Variants in DNALI1 observed in about 807,000 individuals in gnomAD.
DNALI1 encodes axonemal dynein light intermediate polypeptide 1.
A neutral mutation model predicts 33.9 loss-of-function variants in DNALI1; 31 were observed. The observed-to-expected ratio is 0.91, with a 90% CI of 0.69 to 1.23. The LOEUF is 1.23. DNALI1 is among the 50% of genes most tolerant of loss of function. The pLI, the probability that DNALI1 is intolerant of heterozygous loss-of-function variation, is 0.00. For missense variants in DNALI1, 305 were observed against 323.8 expected (o/e 0.94, Z 0.44); for synonymous variants, 117 against 129.2 (o/e 0.91, Z 0.64).
At chr1:37,564,403 G>A (rs906149012) in intron 5 of DNALI1, among the ~76,000 whole-genome samples, 2 of 149,548 alleles carry the variant, frequency 1.3e-5, no homozygotes, top group Non-Finnish European at 3.0e-5. Context: ...TTTTTTTTGA[G>A]ACGGAGTCTC....
intron 3 of DNALI1, chr1:37,560,653 CT>C: frequency 6.6e-6 from 1 of 152,276 alleles, no homozygotes; most frequent in Non-Finnish European, 1.5e-5. Flanking sequence ...ATCTCTCCTT[CT>C]TTTCCCTACA....
exon 6 of DNALI1, chr1:37,566,850 AAACATTACTGCTTTT>A (rs1452628189): frequency 3.5e-5 from 57 of 1,611,602 alleles, no homozygotes; most frequent in Non-Finnish European, 4.4e-5. Flanking sequence ...AAAACCTTTT[AAACATTACTGCTTTT>A]GTCTGAATTT....
rs1421438458 is a variant in DNALI1, at chr1:37,565,758, C to T, written c.*697C>T. On this transcript the variant is annotated 3_prime_UTR_variant, in exon 6 of 6. Coordinates refer to ENST00000652629, the MANE Select transcript of DNALI1 (RefSeq NM_003462.5). ...CTCTTCCCCCAGCACAGATCTGTTC[C>T]CCTTATCCTGCAGAAAATCAAGCCC... 1 of 152,198 alleles carries T rather than the reference C, an allele frequency of 6.6e-6. No individual in the cohort carries two copies. Among genetic ancestry groups the T allele is most frequent in the African/African-American group, 2.4e-5 (1 of 41,420 alleles). The allele number at this position is 152,198 out of a possible 1,614,324, so 9.4% of individuals were successfully genotyped here. A position where few individuals can be genotyped will look rare whatever the true frequency, so the allele number is the denominator to read the frequency against.
chr1:37,557,043 G>A lies in DNALI1; in HGVS notation c.49G>A (p.Val17Met), dbSNP rs775686638. Residue 17 changes from valine (V) to methionine (M), a missense_variant, in exon 1 of 6, where the codon GTG (valine) becomes ATG (methionine). Val to Met is a conservative substitution (Grantham distance 21). Transcript: ENST00000652629. Reference sequence around the variant, plus strand: ...GCTCAAGTACGACACCCCAGTGCTGGTGAGCCGGAACACGGAGAAACGGAG... The same window carrying A: ...GCTCAAGTACGACACCCCAGTGCTGATGAGCCGGAACACGGAGAAACGGAG... ...SLLKYDTPVL[V>M]SRNTEKRSPK... 1.2e-4 allele frequency: 188 copies of A among 1,614,114 alleles called. No homozygotes were observed. The highest frequency in any genetic ancestry group is 1.5e-4 in the Non-Finnish European group (177 of 1,180,052).
rs1365865395 is a variant in DNALI1 at position 37,566,174 on chromosome 1, T to TC, written c.*1117dup. 6.6e-6 allele frequency: 1 copy of TC among 152,248 alleles called. No individual in the cohort carries two copies. The highest frequency in any genetic ancestry group is 1.5e-5 in the Non-Finnish European group (1 of 68,070). The allele number at this position is 152,248 out of a possible 1,614,324, so 9.4% of individuals were successfully genotyped here. Reference sequence around the variant, plus strand: ...GGCTCACAATGGAAGCACTGTCATTTCCCCAGAAAAGCTGTGTTCCCTATG... The same window carrying TC: ...GGCTCACAATGGAAGCACTGTCATTTCCCCCAGAAAAGCTGTGTTCCCTATG... On this transcript the variant is annotated 3_prime_UTR_variant, in exon 6 of 6. Coordinates refer to ENST00000652629, the MANE Select transcript of DNALI1 (RefSeq NM_003462.5).
Position 37,565,293 on chromosome 1 carries a change from G to GTCTC in DNALI1, c.*232_*233insTCTC. 1.8e-6 allele frequency: 1 copy of GTCTC among 569,616 alleles called. No homozygotes were observed. The highest frequency in any genetic ancestry group is 3.1e-6 in the Non-Finnish European group (1 of 319,792). 35.3% of individuals were successfully genotyped at this position (569,616 alleles called of 1,614,324 possible). ...CCAGGCTCCTGGCTGGGCAATGGAA[G>GTCTC]ATGGTGTGGCCCTGTTAGTCTCCGT... On this transcript the variant is annotated 3_prime_UTR_variant, in exon 6 of 6. Transcript: ENST00000652629.
In DNALI1 at chr1:37,562,554, T is replaced by C. The variant is rs971141118; in HGVS notation, c.741+309T>C. Among the ~76,000 whole-genome samples the C allele has an allele frequency of 5.3e-5, 8 of 152,140 alleles. No individual in the cohort carries two copies. Among genetic ancestry groups the C allele is most frequent in the African/African-American group, 9.7e-5 (4 of 41,434 alleles). On this transcript the variant is annotated intron_variant, in intron 5 of 5. Coordinates refer to ENST00000652629, the MANE Select transcript of DNALI1 (RefSeq NM_003462.5). This position sits in a 1 kb window ranked among gnomAD's most constrained non-coding sequence, Gnocchi z 5.8. The stretch of plus-strand genomic sequence containing the variant: ...AGTGGAACTCCATTCCCCTGGAAGC[T>C]GGTATGTTGGAGCCTTTCTGGAGGG...
intron 2 of DNALI1, 33 bp downstream of exon 2, chr1:37,557,781 C>G (rs1570036557): frequency 6.2e-7 from 1 of 1,611,984 alleles, no homozygotes; most frequent in East Asian, 2.2e-5. Context: ...TGGGAGAAGG[C>G]CTAAGCTTTT....
rs142073248 is a variant in DNALI1 at position 37,562,948 on chromosome 1, T to C, written c.741+703T>C. Among the ~76,000 whole-genome samples the C allele has an allele frequency of 6.6e-6, 1 of 152,254 alleles. No individual in the cohort carries two copies. Among genetic ancestry groups the C allele is most frequent in the East Asian group, 1.9e-4 (1 of 5,172 alleles). Reference sequence around the variant, plus strand: ...TCACCTGGCAAAGCAAGACAAATTATTGGGCCCACCCCAGATCTACCAAAT... The same window carrying C: ...TCACCTGGCAAAGCAAGACAAATTACTGGGCCCACCCCAGATCTACCAAAT... On this transcript the variant is annotated intron_variant, in intron 5 of 5. Coordinates refer to ENST00000652629, the MANE Select transcript of DNALI1 (RefSeq NM_003462.5). The surrounding 1 kb of genome is among the most constrained non-coding windows in gnomAD (Gnocchi z 5.8).
Position 37,557,669 on chromosome 1 carries a change from AC to A in DNALI1, c.150del (p.Lys51SerfsTer19). 1 of 1,614,098 alleles carries A rather than the reference AC, an allele frequency of 6.2e-7. No individual in the cohort carries two copies. Among genetic ancestry groups the A allele is most frequent in the East Asian group, 2.2e-5 (1 of 44,876 alleles). On this transcript the variant is annotated frameshift_variant, in exon 2 of 6. Transcript: ENST00000652629. LOFTEE classifies it high-confidence loss of function. ...PSGSAPQPPK[T>X]KLPSTPCVPD... ...AGGTTCAGCCCCACAGCCACCCAAG[AC>A]CAAGCTCCCCTCAACTCCCTGTGTC...
chr1:37,557,760 G>T lies in DNALI1; in HGVS notation c.227+12G>T, dbSNP rs1643390322. ...ATACTACCCCCAAGGTAAGAAAGTA[G>T]GAGCAGTGGCTGGGAGAAGGCCTAA... On this transcript the variant is annotated intron_variant, in intron 2 of 5. Transcript: ENST00000652629. 6.2e-7 allele frequency: 1 copy of T among 1,613,442 alleles called. No individual in the cohort carries two copies. The highest frequency in any genetic ancestry group is 1.1e-5 in the South Asian group (1 of 90,974).
At position 37,561,847 on chromosome 1, in the gene DNALI1, C is replaced by A; in HGVS notation, c.576+112C>A. 6.9e-7 allele frequency: 1 copy of A among 1,439,762 alleles called. No homozygotes were observed. The highest frequency in any genetic ancestry group is 1.4e-5 in the South Asian group (1 of 73,406). The allele number at this position is 1,439,762 out of a possible 1,614,324, so 89.2% of individuals were successfully genotyped here. On this transcript the variant is annotated intron_variant, in intron 4 of 5. Coordinates refer to ENST00000652629, the MANE Select transcript of DNALI1 (RefSeq NM_003462.5). This position sits in a 1 kb window ranked among gnomAD's most constrained non-coding sequence, Gnocchi z 4.6. Reference sequence around the variant, plus strand: ...CCTCCTAAGGTGCTCTGCTGACAGTCACGACACCTGGACTTGCATCACCTC... The same window carrying A: ...CCTCCTAAGGTGCTCTGCTGACAGTAACGACACCTGGACTTGCATCACCTC...
chr1:37,559,255 A>G lies in DNALI1; in HGVS notation c.228-72A>G, dbSNP rs1314618682. ...ACCACTACTCAGGCAGAGGGCTCAA[A>G]GGGCCCTCTGCTCATGTGCTAGGGA... On this transcript the variant is annotated intron_variant, in intron 2 of 5. Transcript: ENST00000652629. This position sits in a 1 kb window ranked among gnomAD's most constrained non-coding sequence, Gnocchi z 5.3. The G allele has an allele frequency of 8.3e-6, 12 of 1,442,880 alleles. No homozygotes were observed. The highest frequency in any genetic ancestry group is 2.5e-5 in the East Asian group (1 of 39,518). 89.4% of individuals were successfully genotyped at this position (1,442,880 alleles called of 1,614,324 possible).
Position 37,561,584 on chromosome 1 carries a change from A to C in DNALI1, c.425A>C (p.Asn142Thr). Reference protein sequence around the residue: ...FDELIREVTINCAERGLLLLR... With the variant: ...FDELIREVTITCAERGLLLLR... ...GAGTTGATCCGGGAGGTCACCATCAACTGTGCGGAGAGGGGGCTGCTGCTG... is the reference window on the plus strand; with the variant it reads ...GAGTTGATCCGGGAGGTCACCATCACCTGTGCGGAGAGGGGGCTGCTGCTG... The change falls in exon 4 of 6, where the codon AAC (asparagine) becomes ACC (threonine). Residue 142 changes from asparagine (N) to threonine (T), a missense_variant. Physicochemically the swap from Asn to Thr is moderately conservative, Grantham distance 65. Coordinates refer to ENST00000652629, the MANE Select transcript of DNALI1 (RefSeq NM_003462.5). The surrounding 1 kb of genome is among the most constrained non-coding windows in gnomAD (Gnocchi z 4.6). The C allele has an allele frequency of 6.2e-7, 1 of 1,613,936 alleles. No individual in the cohort carries two copies. The highest frequency in any genetic ancestry group is 8.5e-7 in the Non-Finnish European group (1 of 1,179,932).
At chr1:37,563,993 G>A (rs1643469721) in intron 5 of DNALI1, among the ~76,000 whole-genome samples, 1 of 151,478 alleles carries the variant, frequency 6.6e-6, no homozygotes, top group African/African-American at 2.4e-5. Flanking sequence ...CAGCACTTTG[G>A]GAGGCCGAGG....
Position 37,557,603 on chromosome 1 carries a change from G to A in DNALI1, c.82G>A (p.Ala28Thr), listed in dbSNP as rs1643387237. 1 of 1,612,476 alleles carries A rather than the reference G, an allele frequency of 6.2e-7. No individual in the cohort carries two copies. The highest frequency in any genetic ancestry group is 1.7e-5 in the Admixed American group (1 of 59,630). Residue 28 changes from alanine to threonine, a missense_variant and splice_region_variant, in exon 2 of 6, where the codon GCT (alanine) becomes ACT (threonine). Coordinates refer to ENST00000652629, the MANE Select transcript of DNALI1 (RefSeq NM_003462.5). ...GCCCTCACCTGTGCCTTCATCTCAG[G>A]CTCGGCTACTGAAAGTCAGCCCCCA... ...SRNTEKRSPKARLLKVSPQQP... is the reference protein window; with the variant it reads ...SRNTEKRSPKTRLLKVSPQQP...
In DNALI1 at chr1:37,562,167, G is replaced by A; in HGVS notation, c.663G>A (p.Glu221=). 6.2e-7 allele frequency: 1 copy of A among 1,614,084 alleles called. No individual in the cohort carries two copies. Among genetic ancestry groups the A allele is most frequent in the South Asian group, 1.1e-5 (1 of 91,074 alleles). The change falls in exon 5 of 6, where the codon GAG becomes GAA. Residue 221 remains glutamate, a synonymous_variant. Transcript: ENST00000652629. The surrounding 1 kb of genome is among the most constrained non-coding windows in gnomAD (Gnocchi z 5.8). ...KAKCEATEKR[E]SERRQVEEKK... ...AATGTGAAGCCACTGAGAAGCGGGAGAGCGAGAGGCGGCAGGTGGAGGAGA... is the reference window on the plus strand; with the variant it reads ...AATGTGAAGCCACTGAGAAGCGGGAAAGCGAGAGGCGGCAGGTGGAGGAGA...
chr1:37,559,290 C>T lies in DNALI1; in HGVS notation c.228-37C>T. On this transcript the variant is annotated intron_variant, in intron 2 of 5. Coordinates refer to ENST00000652629, the MANE Select transcript of DNALI1 (RefSeq NM_003462.5). This position sits in a 1 kb window ranked among gnomAD's most constrained non-coding sequence, Gnocchi z 5.3. ...GCTCATGTGCTAGGGACCTTCAAGT[C>T]AACGGGTTTTGCTCAGCCTCGCTGT... 1 of 1,542,916 alleles carries T rather than the reference C, an allele frequency of 6.5e-7. No homozygotes were observed. The highest frequency in any genetic ancestry group is 1.4e-5 in the African/African-American group (1 of 72,810).
In DNALI1 at chr1:37,556,973, G is replaced by A. The variant is rs1643377359; in HGVS notation, c.-22G>A. The stretch of plus-strand genomic sequence containing the variant: ...CCCACACTGGACAGGGCAGCTGCTG[G>A]GTTGCTACTCTCGCCTCCGCCATGA... On this transcript the variant is annotated 5_prime_UTR_variant, in exon 1 of 6. Coordinates refer to ENST00000652629, the MANE Select transcript of DNALI1 (RefSeq NM_003462.5). 9 of 1,614,256 alleles carry A rather than the reference G, an allele frequency of 5.6e-6. No homozygotes were observed. Among genetic ancestry groups the A allele is most frequent in the Non-Finnish European group, 7.6e-6 (9 of 1,180,048 alleles).
Sources: allele counts gnomAD v4.1 joint callset (sites outside exome capture counted in the v4.1 genomes callset), GRCh38; gene constraint gnomAD v4.1.1; non-coding constraint Gnocchi (gnomAD v3.1); transcripts MANE v1.5; gene names NCBI Gene and HGNC (gene_info 2026-07-23, HGNC 2026-07-21).